Variants in PDXK observed in about 807,000 individuals in gnomAD.
PDXK encodes the protein pyridoxal kinase.
Under a neutral mutation model 43.2 loss-of-function variants are expected in PDXK, and 15 were observed. The observed-to-expected ratio is 0.35, with a 90% confidence interval of 0.23 to 0.53. The LOEUF (loss-of-function observed/expected upper bound fraction) is 0.53, where lower values mean the gene tolerates loss of function less well. Among genes scored for constraint, PDXK ranks in the 20% least tolerant of loss-of-function variants. The pLI is 0.92. For synonymous variants in PDXK, 172 were observed against 165.4 expected, an observed-to-expected ratio of 1.04 and a Z score of -0.31; for missense variants, 343 against 417.0, an observed-to-expected ratio of 0.82 and a Z score of 1.54.
chr21:43,729,091 G>GC, intron 1 of PDXK: 2 of 875,828 alleles, frequency 2.3e-6, no homozygotes, highest in Non-Finnish European at 2.7e-6. Context: ...CCGCAATCCT[G>GC]CCCCCTGGCT....
chr21:43,723,123 G>A lies in PDXK; in HGVS notation c.87+3742G>A, dbSNP rs1191627650. Among the ~76,000 whole-genome samples, 1 of 151,136 alleles carries A rather than the reference G, an allele frequency of 6.6e-6. No homozygotes were observed. The highest frequency in any genetic ancestry group is 2.4e-5 in the African/African-American group (1 of 41,088). On this transcript the variant is annotated intron_variant, in intron 1 of 10. Coordinates refer to ENST00000291565, the MANE Select transcript of PDXK (RefSeq NM_003681.5). This position sits in a 1 kb window ranked among gnomAD's most constrained non-coding sequence, Gnocchi z 4.1. ...AAAGTACTGGGATTACAGGCATGGG[G>A]CCACCACGCCTGGCCTTCTTTTTCT...
chr21:43,753,294 G>A (rs115913446), intron 8 of PDXK, among the ~76,000 whole-genome samples: 261 of 152,294 alleles, frequency 1.7e-3, no homozygotes, highest in African/African-American at 6.0e-3. Flanking sequence ...ACTCGGATGC[G>A]TCCAGGTACA....
Position 43,735,780 on chromosome 21 carries a change from C to T in PDXK, c.142+1657C>T, listed in dbSNP as rs2083391002. 6.6e-6 allele frequency among the ~76,000 whole-genome samples: 1 copy of T among 152,282 alleles called. No individual in the cohort carries two copies. Among genetic ancestry groups the T allele is most frequent in the South Asian group, 2.1e-4 (1 of 4,828 alleles). On this transcript the variant is annotated intron_variant, in intron 2 of 10. Transcript: ENST00000291565. The surrounding 1 kb of genome is among the most constrained non-coding windows in gnomAD (Gnocchi z 5.3). ...TCTGTGCGGCCTGATCAGGAGGCCC[C>T]CGGGTAGCTTCCCTAAGGCTGTCTC...
chr21:43,752,464 A>AGCCGTGGCTGACATGTGACCG, intron 7 of PDXK, 54 bp from the exon 8 acceptor site: 1 of 1,226,106 alleles, frequency 8.2e-7, no homozygotes, highest in African/African-American at 1.5e-5. Flanking sequence ...GGGTGTGACC[A>AGCCGTGGCTGACATGTGACCG]GCCGTGGCTG....
rs2083186301 is a variant in PDXK, at chr21:43,719,243, G to A, written c.-52G>A. On this transcript the variant is annotated 5_prime_UTR_variant, in exon 1 of 11. Coordinates refer to ENST00000291565, the MANE Select transcript of PDXK (RefSeq NM_003681.5). ...GAGCCGAGCCGGAGCCCGAGCGAGC[G>A]GCGGAGACCGTGCCCCCGCCTCGGC... The A allele has an allele frequency of 9.0e-7, 1 of 1,107,308 alleles. No homozygotes were observed. Among genetic ancestry groups the A allele is most frequent in the Non-Finnish European group, 1.2e-6 (1 of 843,592 alleles). The allele number at this position is 1,107,308 out of a possible 1,614,324, so 68.6% of individuals were successfully genotyped here.
At position 43,739,331 on chromosome 21, in the gene PDXK, A is replaced by G. The variant is rs1191436448; in HGVS notation, c.143-2336A>G. The stretch of plus-strand genomic sequence containing the variant: ...AGCCACCGCACCCGGCCCCACCTTT[A>G]TGAACTCTTAACCTGTCTCTTCTCA... On this transcript the variant is annotated intron_variant, in intron 2 of 10. Coordinates refer to ENST00000291565, the MANE Select transcript of PDXK (RefSeq NM_003681.5). Among the ~76,000 whole-genome samples the G allele has an allele frequency of 2.6e-5, 4 of 152,118 alleles. No individual in the cohort carries two copies. In the East Asian group the frequency reaches 7.7e-4, roughly 29 times the overall value.
At chr21:43,720,575 T>TA (rs2083198818) in intron 1 of PDXK, among the ~76,000 whole-genome samples, 1 of 152,176 alleles carries the variant, frequency 6.6e-6, no homozygotes, top group African/African-American at 2.4e-5. Context: ...CTTGAGACCC[T>TA]GTTCCATCCA....
rs2083874412 is a variant in PDXK, at chr21:43,757,711, G to A, written c.*1648G>A. The A allele has an allele frequency of 6.6e-6, 1 of 152,188 alleles. No individual in the cohort carries two copies. The highest frequency in any genetic ancestry group is 2.1e-4 in the South Asian group (1 of 4,828). 9.4% of individuals were successfully genotyped at this position (152,188 alleles called of 1,614,324 possible). On this transcript the variant is annotated 3_prime_UTR_variant, in exon 11 of 11. Transcript: ENST00000291565. The stretch of plus-strand genomic sequence containing the variant: ...CACCTCAGCCAGTGAGTCAGACACG[G>A]GTTTCGCAGCCATGTTTCCTGGCTC...
intron 1 of PDXK, chr21:43,721,717 C>T (rs141887064): frequency 7.9e-5 from 12 of 152,434 alleles, no homozygotes; most frequent in African/African-American, 2.6e-4. Flanking sequence ...CACCTATTGC[C>T]AGGGAGCTCC....
chr21:43,752,421 C>A, intron 7 of PDXK, 97 bp from the exon 8 acceptor site: 1 of 799,614 alleles, frequency 1.3e-6, no homozygotes, highest in South Asian at 1.5e-5. Context: ...CTGATGCTCC[C>A]CGTGCCACTG....
rs2083877390 is a variant in PDXK at position 43,757,884 on chromosome 21, C to T, written c.*1821C>T. 1 of 152,258 alleles carries T rather than the reference C, an allele frequency of 6.6e-6. No homozygotes were observed. Among genetic ancestry groups the T allele is most frequent in the Non-Finnish European group, 1.5e-5 (1 of 68,060 alleles). The allele number at this position is 152,258 out of a possible 1,614,324, so 9.4% of individuals were successfully genotyped here. A position where few individuals can be genotyped will look rare whatever the true frequency, so the allele number is the denominator to read the frequency against. ...TGTGAGTGCAGGGATCTGCCAGAAC[C>T]ACCTGGCCCTCTGTAGGGCGTTTAA... On this transcript the variant is annotated 3_prime_UTR_variant, in exon 11 of 11. Transcript: ENST00000291565.
chr21:43,750,961 CATGTGTGT>C (rs1366852385), intron 7 of PDXK, among the ~76,000 whole-genome samples: 2 of 35,310 alleles, frequency 5.7e-5, no homozygotes, highest in Non-Finnish European at 1.1e-4. Flanking sequence ...CATGTGTGTG[CATGTGTGT>C]GTGTGTGTGT....
Position 43,719,735 on chromosome 21 carries a change from G to T in PDXK, c.87+354G>T, listed in dbSNP as rs543438700. 1.5e-4 allele frequency: 143 copies of T among 985,484 alleles called. 1 individual carries two copies. The African/African-American group carries it at 2.5e-3, about 17-fold the overall frequency. The allele number at this position is 985,484 out of a possible 1,614,324, so 61.0% of individuals were successfully genotyped here. Reference sequence around the variant, plus strand: ...GGCGGGCGGTGCGGCTCCCGGAGGCGAGGAAATGTCGCAGAGCCCCGAGGA... The same window carrying T: ...GGCGGGCGGTGCGGCTCCCGGAGGCTAGGAAATGTCGCAGAGCCCCGAGGA... On this transcript the variant is annotated intron_variant, in intron 1 of 10. Coordinates refer to ENST00000291565, the MANE Select transcript of PDXK (RefSeq NM_003681.5).
intron 1 of PDXK, among the ~76,000 whole-genome samples, chr21:43,733,246 C>CA (rs2083344559): frequency 1.4e-5 from 1 of 69,660 alleles, no homozygotes. Flanking sequence ...AGCCCCTCCC[C>CA]ATCCCCACCC....
chr21:43,735,699 T>C lies in PDXK; in HGVS notation c.142+1576T>C, dbSNP rs1010505908. The stretch of plus-strand genomic sequence containing the variant: ...GTTTAGGACCCCTTAGCCAGCTCAG[T>C]CTATGGCTGTGGGCTGGCTCCCAGC... On this transcript the variant is annotated intron_variant, in intron 2 of 10. Transcript: ENST00000291565. The surrounding 1 kb of genome is among the most constrained non-coding windows in gnomAD (Gnocchi z 5.3). 2.6e-5 allele frequency among the ~76,000 whole-genome samples: 4 copies of C among 151,866 alleles called. No homozygotes were observed. Among genetic ancestry groups the C allele is most frequent in the Non-Finnish European group, 4.4e-5 (3 of 67,930 alleles).
At chr21:43,738,194 G>C (rs1203811784) in intron 2 of PDXK, 1 of 252,800 alleles carries the variant, frequency 4.0e-6, no homozygotes, top group Non-Finnish European at 6.2e-6. Flanking sequence ...AGGGCTCTGG[G>C]TGGGCCCTGA....
At chr21:43,744,096 C>T (rs2083594637) in intron 4 of PDXK, among the ~76,000 whole-genome samples, 1 of 152,090 alleles carries the variant, frequency 6.6e-6, no homozygotes, top group Non-Finnish European at 1.5e-5. Flanking sequence ...ATGCCTGGGG[C>T]CCAGGCAGCA....
At chr21:43,750,610 G>T in intron 7 of PDXK, 65 bp downstream of exon 7, 1 of 1,328,538 alleles carries the variant, frequency 7.5e-7, no homozygotes, top group Non-Finnish European at 1.1e-6. Context: ...CGGGAGACAG[G>T]CTGCCTGAGT....
At position 43,756,438 on chromosome 21, in the gene PDXK, G is replaced by T. The variant is rs547234266; in HGVS notation, c.*375G>T. On this transcript the variant is annotated 3_prime_UTR_variant, in exon 11 of 11. Transcript: ENST00000291565. ...GCCACTACCGTACAGAGGCCGTGTC[G>T]CGCTGGGCTGGGCCTGGGTGGCCTC... is the stretch of plus-strand genomic sequence containing the variant. 4.1e-5 allele frequency: 8 copies of T among 194,530 alleles called. No homozygotes were observed. Among genetic ancestry groups the T allele is most frequent in the Admixed American group, 3.9e-4 (7 of 17,876 alleles). 12.1% of individuals were successfully genotyped at this position (194,530 alleles called of 1,614,324 possible). A position where few individuals can be genotyped will look rare whatever the true frequency, so the allele number is the denominator to read the frequency against.
Sources: gnomAD v4.1 joint callset for allele counts (sites outside exome capture counted in the v4.1 genomes callset) on GRCh38, gnomAD v4.1.1 for gene constraint, Gnocchi (gnomAD v3.1) non-coding constraint, MANE v1.5 for transcripts, NCBI Gene and HGNC (gene_info 2026-07-23, HGNC 2026-07-21) for gene names.